Variants in PTCHD1 observed in about 807,000 individuals in gnomAD.
PTCHD1 encodes patched domain containing 1.
In PTCHD1, 3 loss-of-function variants were observed where a neutral mutation model predicts 34.6. That is an observed-to-expected ratio of 0.09 (90% CI 0.04 to 0.22). The LOEUF is 0.22. Among genes scored for constraint, PTCHD1 ranks in the 10% least tolerant of loss-of-function variants. The probability of loss-of-function intolerance (pLI) is 1.00; values close to 1 mark genes in which losing one functional copy is unlikely to be tolerated. For missense variants in PTCHD1, 504 were observed against 685.5 expected (o/e 0.74, Z 2.96); for synonymous variants, 305 against 283.1 (o/e 1.08, Z -0.77).
At chrX:23,374,672 C>T (rs1922365814) in intron 1 of PTCHD1, among the ~76,000 whole-genome samples, 1 of 108,846 alleles carries the variant, frequency 9.2e-6, no homozygotes, top group Non-Finnish European at 1.9e-5. Flanking sequence ...TCTATCAGAT[C>T]GGATTGCCCT....
In PTCHD1 at chrX:23,379,797, G is replaced by A. The variant is rs1243192711; in HGVS notation, c.558G>A (p.Val186=). 1 of 1,209,518 alleles carries A rather than the reference G, an allele frequency of 8.3e-7. No homozygotes were observed. The highest frequency in any genetic ancestry group is 1.8e-5 in the African/African-American group (1 of 56,919). ...CTCACTTAAAGGACGGGAGGGCTGT[G>A]TACAATGGGCACCAGCTTGGGGGCG... is the stretch of plus-strand genomic sequence containing the variant. ...PITHLKDGRA[V]YNGHQLGGVT... is the part of the protein sequence containing the mutation. The change falls in exon 2 of 3, where the codon GTG becomes GTA. Residue 186 remains valine, a synonymous_variant. Transcript: ENST00000379361.
At chrX:23,361,851 A>C (rs886955019) in intron 1 of PTCHD1, among the ~76,000 whole-genome samples, 1 of 111,694 alleles carries the variant, frequency 9.0e-6, no homozygotes, top group Non-Finnish European at 1.9e-5. Flanking sequence ...CCTGGGGGTA[A>C]CAAAATCTCT....
At chrX:23,367,695 T>C (rs1411474489) in intron 1 of PTCHD1, among the ~76,000 whole-genome samples, 1 of 111,240 alleles carries the variant, frequency 9.0e-6, no homozygotes, top group East Asian at 2.8e-4. Context: ...ATAGGTGTGG[T>C]TGGAAGTGAT....
chrX:23,367,343 CA>C (rs2146632065), intron 1 of PTCHD1, among the ~76,000 whole-genome samples: 1 of 112,277 alleles, frequency 8.9e-6, no homozygotes, highest in Admixed American at 9.4e-5. Flanking sequence ...ACAGACTTCA[CA>C]TCTGCAAGCC....
intron 1 of PTCHD1, among the ~76,000 whole-genome samples, chrX:23,342,826 T>C (rs1921377656): frequency 8.9e-6 from 1 of 112,372 alleles, no homozygotes; most frequent in Non-Finnish European, 1.9e-5. Context: ...ACATGCCTTC[T>C]ACTTTATGAG....
At chrX:23,368,125 T>TA (rs397896949) in intron 1 of PTCHD1, among the ~76,000 whole-genome samples, 6,673 of 93,141 alleles carry the variant, frequency 0.072, 490 homozygotes, top group African/African-American at 0.21. Context: ...CTTCTGTATT[T>TA]AAAAAAAAAA....
At chrX:23,391,462 T>C (rs756781471) in intron 2 of PTCHD1, among the ~76,000 whole-genome samples, 3 of 111,418 alleles carry the variant, frequency 2.7e-5, no homozygotes, top group African/African-American at 9.8e-5. Context: ...TATCTTATTT[T>C]TTCTGTATTT....
At chrX:23,341,678 G>C (rs146027747) in intron 1 of PTCHD1, among the ~76,000 whole-genome samples, 1,544 of 111,946 alleles carry the variant, frequency 0.014, 19 homozygotes, top group Middle Eastern at 0.06. Flanking sequence ...CAGCAGGGGA[G>C]GTGAGTAATC....
rs2146652968 is a variant in PTCHD1, at chrX:23,393,829, A to G, written c.2311A>G (p.Met771Val). The G allele has an allele frequency of 8.3e-7, 1 of 1,211,075 alleles. No homozygotes were observed. The highest frequency in any genetic ancestry group is 1.1e-6 in the Non-Finnish European group (1 of 894,841). ...INYTIDNCAP[M>V]LSTFVLGKDF... is the part of the protein sequence containing the mutation. ...TTACACAATTGACAATTGTGCTCCA[A>G]TGTTATCCACATTTGTTCTGGGCAA... Residue 771 changes from methionine (M) to valine (V), a missense_variant, in exon 3 of 3, where the codon ATG becomes GTG. Met to Val is a conservative substitution (Grantham distance 21). Transcript: ENST00000379361.
chrX:23,337,322 T>A (rs1339647337), intron 1 of PTCHD1, among the ~76,000 whole-genome samples: 1 of 112,130 alleles, frequency 8.9e-6, no homozygotes, highest in Non-Finnish European at 1.9e-5. Context: ...AGCTGATGAC[T>A]CTCTGGTCAA....
chrX:23,354,163 G>T (rs1018467005), intron 1 of PTCHD1, among the ~76,000 whole-genome samples: 1 of 111,162 alleles, frequency 9.0e-6, no homozygotes, highest in Admixed American at 9.6e-5. Flanking sequence ...TACAGAGCAA[G>T]CCTCATAGGT....
intron 1 of PTCHD1, among the ~76,000 whole-genome samples, chrX:23,340,887 C>T (rs1210237868): frequency 1.8e-5 from 2 of 112,082 alleles, no homozygotes; most frequent in Non-Finnish European, 3.8e-5. Flanking sequence ...TTTGCTGGGT[C>T]AGTCAATTGA....
Position 23,395,350 on chromosome X carries a change from C to CT in PTCHD1, c.*1166dup, listed in dbSNP as rs1024591815. On this transcript the variant is annotated 3_prime_UTR_variant, in exon 3 of 3. Coordinates refer to ENST00000379361, the MANE Select transcript of PTCHD1 (RefSeq NM_173495.3). ...GAGGGGAAGAAGATCTTTGGTAAGT[C>CT]TAAGTCCTGACGCTGAGAAGCTTTG... The CT allele has an allele frequency of 7.1e-5, 8 of 112,228 alleles. No homozygotes were observed. Among genetic ancestry groups the CT allele is most frequent in the African/African-American group, 2.6e-4 (8 of 30,840 alleles). The allele number at this position is 112,228 out of a possible 1,213,427, so 9.2% of individuals were successfully genotyped here. A position where few individuals can be genotyped will look rare whatever the true frequency, so the allele number is the denominator to read the frequency against.
intron 1 of PTCHD1, among the ~76,000 whole-genome samples, chrX:23,340,532 T>G (rs1416956875): frequency 8.9e-6 from 1 of 112,321 alleles, no homozygotes; most frequent in African/African-American, 3.2e-5. Context: ...AGGTCGGGCT[T>G]CTTCTGACAG....
At chrX:23,360,625 G>A (rs1163741356) in intron 1 of PTCHD1, among the ~76,000 whole-genome samples, 1 of 111,241 alleles carries the variant, frequency 9.0e-6, no homozygotes, top group Non-Finnish European at 1.9e-5. Context: ...ATTTTTTGAA[G>A]GGTTTTTTGT....
chrX:23,343,197 T>C (rs1354359717), intron 1 of PTCHD1, among the ~76,000 whole-genome samples: 4 of 112,983 alleles, frequency 3.5e-5, no homozygotes, highest in African/African-American at 1.3e-4. Context: ...TTTTTCATCT[T>C]TGACAAATCT....
chrX:23,336,979 C>A (rs1184799640), intron 1 of PTCHD1, among the ~76,000 whole-genome samples: 1 of 111,096 alleles, frequency 9.0e-6, no homozygotes, highest in Non-Finnish European at 1.9e-5. Flanking sequence ...TTTCCCCCCC[C>A]ACCCACAAAC....
At chrX:23,350,503 A>G (rs757880588) in intron 1 of PTCHD1, among the ~76,000 whole-genome samples, 45 of 111,949 alleles carry the variant, frequency 4.0e-4, no homozygotes, top group Admixed American at 1.1e-3. Flanking sequence ...ATTTGGAGAA[A>G]AGGATTCAGC....
chrX:23,391,759 ATCT>A (rs1411511203), intron 2 of PTCHD1, among the ~76,000 whole-genome samples: 4 of 112,120 alleles, frequency 3.6e-5, no homozygotes, highest in Admixed American at 1.9e-4. Flanking sequence ...GTGTCCAGAC[ATCT>A]TCTCTTCTCT....
Sources: allele counts gnomAD v4.1 joint callset (sites outside exome capture counted in the v4.1 genomes callset), GRCh38; gene constraint gnomAD v4.1.1; transcripts MANE v1.5; gene names NCBI Gene and HGNC (gene_info 2026-07-23, HGNC 2026-07-21).